KDM6A: variants seen among roughly 807,000 people sequenced by gnomAD.
The protein encoded by KDM6A is lysine demethylase 6A.
Under a neutral mutation model 117.6 loss-of-function variants are expected in KDM6A, and 11 were observed. The ratio of observed to expected loss-of-function variants is 0.09; its 90% CI spans 0.06 to 0.15. The LOEUF (loss-of-function observed/expected upper bound fraction) is 0.15. Among genes scored for constraint, KDM6A ranks in the 10% least tolerant of loss-of-function variants. The pLI, the probability that KDM6A is intolerant of heterozygous loss-of-function variation, is 1.00. For synonymous variants in KDM6A, 384 were observed against 396.1 expected (o/e 0.97, Z 0.36); for missense variants, 799 against 1,077.3 (o/e 0.74, Z 3.62).
At chrX:44,874,251 T>C (rs893006764) in intron 2 of KDM6A, among the ~76,000 whole-genome samples, 3 of 112,093 alleles carry the variant, frequency 2.7e-5, no homozygotes, top group African/African-American at 9.7e-5. Context: ...CACAACTGCC[T>C]GCTATTTTAC....
In KDM6A at chrX:45,069,920, G is replaced by T. The variant is rs374758648; in HGVS notation, c.2421G>T (p.Thr807=). 1.7e-6 allele frequency: 2 copies of T among 1,211,239 alleles called. No homozygotes were observed. Among genetic ancestry groups the T allele is most frequent in the Non-Finnish European group, 2.2e-6 (2 of 895,061 alleles). The stretch of plus-strand genomic sequence containing the variant: ...TTCCTAATCATGTCCATCAGATGAC[G>T]GCAGATGCTGTTTGCAGTCCTAGCC... ...EGLPNHVHQM[T]ADAVCSPSHG... Residue 807 remains threonine, a synonymous_variant, in exon 18 of 30, where the codon ACG becomes ACT. Coordinates refer to ENST00000611820, the MANE Select transcript of KDM6A (RefSeq NM_001291415.2).
chrX:45,108,719 CA>C (rs1372804693), intron 28 of KDM6A, among the ~76,000 whole-genome samples: 1 of 99,029 alleles, frequency 1.0e-5, no homozygotes, highest in Non-Finnish European at 2.0e-5. Flanking sequence ...GGAACCAACC[CA>C]AATGTCCAAC....
At position 45,112,273 on chromosome X, in the gene KDM6A, TAA is replaced by T. The variant is rs781776150; in HGVS notation, c.*867_*868del. On this transcript the variant is annotated 3_prime_UTR_variant, in exon 30 of 30. Coordinates refer to ENST00000611820, the MANE Select transcript of KDM6A (RefSeq NM_001291415.2). ...AAAGAGTTTTCTATTGTTTGAGTTT[TAA>T]AAAAGACTTTATGTACAGTGCCCAG... is the stretch of plus-strand genomic sequence containing the variant. The T allele has an allele frequency of 5.0e-5, 7 of 141,239 alleles. No homozygotes were observed. Among genetic ancestry groups the T allele is most frequent in the African/African-American group, 1.6e-4 (5 of 31,846 alleles). The allele number at this position is 141,239 out of a possible 1,213,427, so 11.6% of individuals were successfully genotyped here.
intron 2 of KDM6A, among the ~76,000 whole-genome samples, chrX:44,902,038 C>G (rs928547197): frequency 1.8e-5 from 2 of 111,813 alleles, no homozygotes; most frequent in Non-Finnish European, 3.8e-5. Context: ...ACCAGCCTGG[C>G]CAACATGGCA....
chrX:45,001,881 T>G (rs1003378606), intron 4 of KDM6A, among the ~76,000 whole-genome samples: 3 of 111,016 alleles, frequency 2.7e-5, no homozygotes, highest in Non-Finnish European at 3.8e-5. Flanking sequence ...TTCCCAGGCT[T>G]GCTTGAGTTT....
chrX:44,997,689 T>C (rs1489054991), intron 4 of KDM6A, among the ~76,000 whole-genome samples: 1 of 111,730 alleles, frequency 9.0e-6, no homozygotes, highest in Non-Finnish European at 1.9e-5. Context: ...GACCACACTC[T>C]TCCCTTCCCA....
intron 2 of KDM6A, among the ~76,000 whole-genome samples, chrX:44,919,064 C>T (rs959965299): frequency 9.9e-5 from 11 of 111,660 alleles, no homozygotes; most frequent in African/African-American, 2.9e-4. Flanking sequence ...ATAGACTTTA[C>T]TTTTGCAACA....
At position 44,922,027 on chromosome X, in the gene KDM6A, CCTTTTTTTTTTT is replaced by C. The variant is rs1255950477; in HGVS notation, c.226-39256_226-39245del. ...ATGCTGATAAAATTCATTGTGTGTG[CCTTTTTTTTTTT>C]TTTTTTTTTTTTTTTTTTTTTTTTT... On this transcript the variant is annotated intron_variant, in intron 2 of 29. Coordinates refer to ENST00000611820, the MANE Select transcript of KDM6A (RefSeq NM_001291415.2). 3.0e-3 allele frequency among the ~76,000 whole-genome samples: 113 copies of C among 37,712 alleles called. 16 individuals carry two copies. Among genetic ancestry groups the C allele is most frequent in the Middle Eastern group, 0.021 (1 of 47 alleles). The allele number at this position is 37,712 out of a possible 115,157, so 32.7% of individuals were successfully genotyped here.
chrX:44,985,994 G>C (rs879091671), intron 4 of KDM6A, among the ~76,000 whole-genome samples: 28 of 111,364 alleles, frequency 2.5e-4, no homozygotes, highest in Admixed American at 7.6e-4. Context: ...GTACCAGCTC[G>C]TCCTTGTACC....
chrX:45,052,901 C>T (rs867017430), intron 9 of KDM6A, among the ~76,000 whole-genome samples: 1 of 110,662 alleles, frequency 9.0e-6, no homozygotes, highest in South Asian at 3.9e-4. Flanking sequence ...CTCTGTGTTG[C>T]CCAGGGTGGT....
chrX:45,052,057 A>T (rs1362338558), intron 9 of KDM6A, among the ~76,000 whole-genome samples: 2 of 112,153 alleles, frequency 1.8e-5, no homozygotes, highest in African/African-American at 6.5e-5. Flanking sequence ...GGAGGATTGA[A>T]TACTTCGTTT....
intron 2 of KDM6A, among the ~76,000 whole-genome samples, chrX:44,878,829 C>G (rs2031955656): frequency 9.1e-6 from 1 of 110,362 alleles, no homozygotes; most frequent in African/African-American, 3.3e-5. Flanking sequence ...TCAAGTGATT[C>G]TTATGCCTCA....
chrX:45,041,679 CT>C (rs1399566917), intron 8 of KDM6A, among the ~76,000 whole-genome samples: 1 of 110,341 alleles, frequency 9.1e-6, no homozygotes, highest in Non-Finnish European at 1.9e-5. Flanking sequence ...ACGCTCCTCA[CT>C]TCCTAGATGG....
chrX:44,884,603 C>T (rs888043166), intron 2 of KDM6A, among the ~76,000 whole-genome samples: 12 of 111,675 alleles, frequency 1.1e-4, no homozygotes, highest in African/African-American at 3.9e-4. Flanking sequence ...ATGAAAGGTG[C>T]TCAGTATAAG....
intron 2 of KDM6A, among the ~76,000 whole-genome samples, chrX:44,891,813 T>G (rs1365654483): frequency 9.0e-6 from 1 of 111,517 alleles, no homozygotes; most frequent in Non-Finnish European, 1.9e-5. Context: ...TAGAACTTTT[T>G]TAAGGAGGCA....
chrX:44,956,402 T>TCCTTTC (rs2038327669), intron 2 of KDM6A, among the ~76,000 whole-genome samples: 1 of 110,962 alleles, frequency 9.0e-6, no homozygotes, highest in Non-Finnish European at 1.9e-5. Flanking sequence ...CTCTTCCTCT[T>TCCTTTC]CCTTTCCCTT....
intron 2 of KDM6A, among the ~76,000 whole-genome samples, chrX:44,907,159 G>A (rs868649904): frequency 1.8e-5 from 2 of 111,543 alleles, no homozygotes; most frequent in Non-Finnish European, 3.8e-5. Flanking sequence ...TTTCCTTTCC[G>A]TGTACTTTTT....
chrX:45,079,525 G>T (rs1265376090), intron 21 of KDM6A, among the ~76,000 whole-genome samples, 174 bp downstream of exon 21: 1 of 110,796 alleles, frequency 9.0e-6, no homozygotes, highest in Non-Finnish European at 1.9e-5. Context: ...ATGTATGTAT[G>T]TATGTATGTA....
chrX:44,927,530 G>T (rs952077660), intron 2 of KDM6A, among the ~76,000 whole-genome samples: 6 of 110,526 alleles, frequency 5.4e-5, no homozygotes, highest in African/African-American at 2.0e-4. Flanking sequence ...GGTGTCTGGA[G>T]AGCTGCACAT....
Sources: allele counts gnomAD v4.1 joint callset (sites outside exome capture counted in the v4.1 genomes callset), GRCh38; gene constraint gnomAD v4.1.1; transcripts MANE v1.5; gene names NCBI Gene and HGNC (gene_info 2026-07-23, HGNC 2026-07-21).